NSMCE2: variants seen among roughly 807,000 people sequenced by gnomAD.
The protein encoded by NSMCE2 is E3 SUMO-protein ligase NSE2.
Under a neutral mutation model 23.8 loss-of-function variants are expected in NSMCE2, and 24 were observed. That is an observed-to-expected ratio of 1.01 (90% CI 0.73 to 1.42). The LOEUF (loss-of-function observed/expected upper bound fraction) is 1.42. Ranked by LOEUF, NSMCE2 falls within the 40% of genes most tolerant of loss-of-function variation. The pLI is 0.00. For synonymous variants in NSMCE2, 92 were observed against 94.1 expected (o/e 0.98, Z 0.13); for missense variants, 284 against 296.5 (o/e 0.96, Z 0.31).
chr8:125,171,994 T>C (rs1045669566), intron 4 of NSMCE2, among the ~76,000 whole-genome samples: 5 of 152,226 alleles, frequency 3.3e-5, no homozygotes, highest in Non-Finnish European at 7.3e-5. Context: ...AATGACCATG[T>C]TGGCTACTGT....
At chr8:125,104,147 C>T (rs777248568) in intron 3 of NSMCE2, among the ~76,000 whole-genome samples, 3 of 152,080 alleles carry the variant, frequency 2.0e-5, no homozygotes, top group African/African-American at 7.2e-5. Flanking sequence ...TGCGCCACCA[C>T]GCCCAGCTAA....
At chr8:125,117,818 T>A (rs930000168) in intron 3 of NSMCE2, among the ~76,000 whole-genome samples, 2 of 152,350 alleles carry the variant, frequency 1.3e-5, no homozygotes, top group Middle Eastern at 6.8e-3. Flanking sequence ...TCTGGGACTT[T>A]AATGCCTATT....
At chr8:125,347,844 T>C (rs1179700091) in intron 5 of NSMCE2, among the ~76,000 whole-genome samples, 1 of 152,220 alleles carries the variant, frequency 6.6e-6, no homozygotes, top group Admixed American at 6.5e-5. Flanking sequence ...GGATGGATTA[T>C]AGTTAAGAGA....
Position 125,287,485 on chromosome 8 carries a change from T to C in NSMCE2, c.419-69734T>C, listed in dbSNP as rs141539966. Among the ~76,000 whole-genome samples, 143 of 152,328 alleles carry C rather than the reference T, an allele frequency of 9.4e-4. 1 individual carries two copies. Among genetic ancestry groups the C allele is most frequent in the African/African-American group, 3.3e-3 (137 of 41,584 alleles). ...TACACTGCTTGATTGCTCTCCTGGCTAGAGATAACCAGAAGCTAAACCTTG... is the reference window on the plus strand; with the variant it reads ...TACACTGCTTGATTGCTCTCCTGGCCAGAGATAACCAGAAGCTAAACCTTG... On this transcript the variant is annotated intron_variant, in intron 5 of 7. Coordinates refer to ENST00000287437, the MANE Select transcript of NSMCE2 (RefSeq NM_173685.4).
At chr8:125,314,047 C>T (rs1350001973) in intron 5 of NSMCE2, among the ~76,000 whole-genome samples, 2 of 151,980 alleles carry the variant, frequency 1.3e-5, no homozygotes, top group Admixed American at 6.6e-5. Context: ...TTTCAAAGAC[C>T]GGTAATCAAA....
intron 5 of NSMCE2, among the ~76,000 whole-genome samples, chr8:125,281,394 A>G (rs187160031): frequency 2.2e-3 from 339 of 152,312 alleles, no homozygotes; most frequent in African/African-American, 7.7e-3. Context: ...AAATTTCAAC[A>G]CATTATACAG....
At chr8:125,229,265 A>G (rs1362619736) in intron 5 of NSMCE2, among the ~76,000 whole-genome samples, 1 of 152,224 alleles carries the variant, frequency 6.6e-6, no homozygotes. Context: ...TAATCTAAGC[A>G]CTTAGTAGAT....
At chr8:125,311,923 C>G (rs1280457334) in intron 5 of NSMCE2, among the ~76,000 whole-genome samples, 1 of 151,716 alleles carries the variant, frequency 6.6e-6, no homozygotes, top group Non-Finnish European at 1.5e-5. Flanking sequence ...ACAAAATTAG[C>G]CAGGCATGGT....
chr8:125,266,455 A>G (rs369586888), intron 5 of NSMCE2, among the ~76,000 whole-genome samples: 1 of 152,244 alleles, frequency 6.6e-6, no homozygotes, highest in African/African-American at 2.4e-5. Flanking sequence ...AGTTCATAAC[A>G]AGAACAAACA....
chr8:125,362,370 AG>A (rs1307186153), intron 7 of NSMCE2, among the ~76,000 whole-genome samples: 3 of 152,198 alleles, frequency 2.0e-5, no homozygotes, highest in Admixed American at 2.0e-4. Flanking sequence ...CCTCGCCTCC[AG>A]GAAGTCTTCC....
chr8:125,120,300 A>G (rs920898456), intron 3 of NSMCE2, among the ~76,000 whole-genome samples: 1 of 152,220 alleles, frequency 6.6e-6, no homozygotes, highest in Non-Finnish European at 1.5e-5. Flanking sequence ...ATCATGTAAC[A>G]TTTTAGAAGT....
intron 4 of NSMCE2, among the ~76,000 whole-genome samples, chr8:125,180,583 A>C (rs1387941601): frequency 1.3e-5 from 2 of 152,258 alleles, no homozygotes; most frequent in Non-Finnish European, 2.9e-5. Context: ...GAGAGATTAG[A>C]AGTATATGCT....
At chr8:125,276,527 G>A (rs16900508) in intron 5 of NSMCE2, among the ~76,000 whole-genome samples, 3,459 of 151,360 alleles carry the variant, frequency 0.023, 138 homozygotes, top group African/African-American at 0.079. Context: ...AATTAATAAT[G>A]GAATAGCCTC....
chr8:125,351,765 C>T (rs1813044617), intron 5 of NSMCE2, among the ~76,000 whole-genome samples: 1 of 152,120 alleles, frequency 6.6e-6, no homozygotes, highest in Non-Finnish European at 1.5e-5. Context: ...AATCTCAGCA[C>T]TTTGGGAGGC....
intron 5 of NSMCE2, among the ~76,000 whole-genome samples, chr8:125,352,207 G>C (rs568191567): frequency 2.0e-5 from 3 of 151,820 alleles, no homozygotes; most frequent in African/African-American, 7.3e-5. Context: ...GGGGCTGGGC[G>C]TGGTGGCTCA....
intron 5 of NSMCE2, among the ~76,000 whole-genome samples, chr8:125,294,114 C>T (rs1828230930): frequency 6.6e-6 from 1 of 152,106 alleles, no homozygotes; most frequent in Non-Finnish European, 1.5e-5. Context: ...CAAGGTTTAT[C>T]CATGTTGTAG....
At chr8:125,136,696 TAGA>T (rs149661850) in intron 3 of NSMCE2, among the ~76,000 whole-genome samples, 3,305 of 152,274 alleles carry the variant, frequency 0.022, 127 homozygotes, top group African/African-American at 0.076. Flanking sequence ...ATTCCCATTA[TAGA>T]AGTAGTTTAC....
chr8:125,113,065 G>C (rs900134942), intron 3 of NSMCE2, among the ~76,000 whole-genome samples: 27 of 139,408 alleles, frequency 1.9e-4, no homozygotes, highest in South Asian at 2.6e-4. Flanking sequence ...AATGGGGGGG[G>C]GGGTGAGTCA....
intron 5 of NSMCE2, among the ~76,000 whole-genome samples, chr8:125,240,332 C>T (rs942845919): frequency 6.6e-6 from 1 of 152,102 alleles, no homozygotes; most frequent in African/African-American, 2.4e-5. Context: ...ACCATATTGG[C>T]CAGGCTGGTC....
Sources: gnomAD v4.1 joint callset for allele counts (sites outside exome capture counted in the v4.1 genomes callset) on GRCh38, gnomAD v4.1.1 for gene constraint, MANE v1.5 for transcripts, NCBI Gene and HGNC (gene_info 2026-07-23, HGNC 2026-07-21) for gene names.